Variants in SLC25A13 observed in about 807,000 individuals in gnomAD.
SLC25A13 encodes the protein electrogenic aspartate/glutamate antiporter SLC25A13, mitochondrial.
Under a neutral mutation model 85.5 loss-of-function variants are expected in SLC25A13, and 70 were observed. That is an observed-to-expected ratio of 0.82 (90% CI 0.68 to 1.00). The LOEUF (loss-of-function observed/expected upper bound fraction) is 1.00, where lower values mean the gene tolerates loss of function less well. Among genes scored for constraint, SLC25A13 ranks in the 50% least tolerant of loss-of-function variants. The pLI, the probability that SLC25A13 is intolerant of heterozygous loss-of-function variation, is 0.00. For missense variants in SLC25A13, 765 were observed against 819.8 expected (o/e 0.93, Z 0.82); for synonymous variants, 259 against 288.7 (o/e 0.90, Z 1.04).
intron 14 of SLC25A13, among the ~76,000 whole-genome samples, chr7:96,140,387 C>G (rs192229418): frequency 4.1e-4 from 61 of 149,724 alleles, no homozygotes; most frequent in African/African-American, 1.4e-3. Context: ...TTTCTACCAC[C>G]AAGGATCTCC....
chr7:96,232,266 A>T (rs1796566560), intron 4 of SLC25A13, among the ~76,000 whole-genome samples: 1 of 152,170 alleles, frequency 6.6e-6, no homozygotes. Flanking sequence ...AAAAAAAACA[A>T]CGAGATCATG....
chr7:96,267,696 C>G (rs957424435), intron 3 of SLC25A13, among the ~76,000 whole-genome samples: 1 of 151,526 alleles, frequency 6.6e-6, no homozygotes, highest in Non-Finnish European at 1.5e-5. Context: ...TGCCTATAAT[C>G]GCAGCTACTG....
rs531320757 is a variant in SLC25A13 at position 96,229,679 on chromosome 7, G to C, written c.328+5123C>G. ...CGGGAGGTATGAACAACTCTGGACG[G>C]GAGGAATGAACAACTCCAGAAGCGC... On this transcript the variant is annotated intron_variant, in intron 4 of 17. Transcript: ENST00000265631. 7.2e-5 allele frequency among the ~76,000 whole-genome samples: 11 copies of C among 151,798 alleles called. No individual in the cohort carries two copies. In the South Asian group the frequency reaches 2.1e-3, roughly 29 times the overall value.
chr7:96,201,352 A>G (rs1795246911), intron 5 of SLC25A13, among the ~76,000 whole-genome samples: 1 of 151,906 alleles, frequency 6.6e-6, no homozygotes, highest in African/African-American at 2.4e-5. Flanking sequence ...TCTACTAAAA[A>G]TACAAAAAAT....
intron 1 of SLC25A13, among the ~76,000 whole-genome samples, chr7:96,304,154 T>C (rs1410214097): frequency 2.0e-5 from 3 of 152,156 alleles, no homozygotes; most frequent in African/African-American, 7.2e-5. Flanking sequence ...ACCTAATAAA[T>C]GAAGAGCAGT....
intron 4 of SLC25A13, among the ~76,000 whole-genome samples, chr7:96,218,900 T>C (rs1795996885): frequency 6.6e-6 from 1 of 152,214 alleles, no homozygotes; most frequent in African/African-American, 2.4e-5. Flanking sequence ...AGGGAAGTAA[T>C]ATTCCACCCT....
chr7:96,130,639 T>A (rs1170924632), intron 15 of SLC25A13, among the ~76,000 whole-genome samples: 2 of 152,194 alleles, frequency 1.3e-5, no homozygotes, highest in Non-Finnish European at 2.9e-5. Flanking sequence ...TACAGATATA[T>A]GAGAAATTAC....
At chr7:96,154,054 ATAT>A (rs1793154053) in intron 13 of SLC25A13, among the ~76,000 whole-genome samples, 1 of 152,216 alleles carries the variant, frequency 6.6e-6, no homozygotes, top group African/African-American at 2.4e-5. Flanking sequence ...TAACAGTCAA[ATAT>A]TATAACTTTT....
At chr7:96,205,188 G>A (rs1388912920) in intron 5 of SLC25A13, among the ~76,000 whole-genome samples, 2 of 152,122 alleles carry the variant, frequency 1.3e-5, no homozygotes, top group East Asian at 1.9e-4. Context: ...GATTACAGGC[G>A]TGAGCCACCA....
chr7:96,193,273 AAGAG>A, intron 5 of SLC25A13, 90 bp from the exon 6 acceptor site: 2 of 1,486,594 alleles, frequency 1.3e-6, no homozygotes, highest in Non-Finnish European at 9.2e-7. Flanking sequence ...AGACTGAAGA[AAGAG>A]AGTTTACATC....
intron 3 of SLC25A13, among the ~76,000 whole-genome samples, chr7:96,241,279 C>T (rs535947850): frequency 1.1e-4 from 17 of 152,270 alleles, no homozygotes; most frequent in South Asian, 6.2e-4. Flanking sequence ...TACTCCTCAG[C>T]CACCACAATT....
intron 5 of SLC25A13, among the ~76,000 whole-genome samples, chr7:96,196,639 T>C (rs1795074891): frequency 6.6e-6 from 1 of 152,224 alleles, no homozygotes; most frequent in Non-Finnish European, 1.5e-5. Context: ...TTAAGTCTGA[T>C]GATGAACAAC....
At chr7:96,272,596 A>T (rs1798286338) in intron 3 of SLC25A13, among the ~76,000 whole-genome samples, 1 of 152,222 alleles carries the variant, frequency 6.6e-6, no homozygotes, top group Admixed American at 6.5e-5. Context: ...TAATTTGCCA[A>T]AAGCAAGGAG....
At chr7:96,129,107 T>G (rs556287902) in intron 15 of SLC25A13, among the ~76,000 whole-genome samples, 2 of 152,110 alleles carry the variant, frequency 1.3e-5, no homozygotes, top group African/African-American at 2.4e-5. Context: ...ATCTTGAAAG[T>G]GGCTTCTCCA....
rs532332787 is a variant in SLC25A13, at chr7:96,254,785, A to C, written c.213-19868T>G. On this transcript the variant is annotated intron_variant, in intron 3 of 17. Coordinates refer to ENST00000265631, the MANE Select transcript of SLC25A13 (RefSeq NM_014251.3). Reference sequence around the variant, plus strand: ...TAAATTTACTTATATTTGGGGAAAAAATACCCTGTGGGAGGAGAAACCAAA... The same window carrying C: ...TAAATTTACTTATATTTGGGGAAAACATACCCTGTGGGAGGAGAAACCAAA... Among the ~76,000 whole-genome samples, 98 of 152,264 alleles carry C rather than the reference A, an allele frequency of 6.4e-4. No homozygotes were observed. In the South Asian group the frequency reaches 0.019, roughly 30 times the overall value.
At chr7:96,211,822 T>A (rs1404396478) in intron 4 of SLC25A13, among the ~76,000 whole-genome samples, 1 of 152,144 alleles carries the variant, frequency 6.6e-6, no homozygotes, top group Admixed American at 6.5e-5. Flanking sequence ...AAATCATCAG[T>A]CAACATCGTT....
At chr7:96,204,822 A>G (rs770203621) in intron 5 of SLC25A13, among the ~76,000 whole-genome samples, 4 of 152,232 alleles carry the variant, frequency 2.6e-5, no homozygotes, top group South Asian at 2.1e-4. Context: ...CGACATGCTC[A>G]GCAAATATTT....
chr7:96,164,711 T>TACACACACACACATAC (rs1793669742), intron 13 of SLC25A13, among the ~76,000 whole-genome samples: 1 of 143,150 alleles, frequency 7.0e-6, no homozygotes, highest in South Asian at 2.3e-4. Context: ...GGATTAACTT[T>TACACACACACACATAC]ACACACACAC....
intron 1 of SLC25A13, among the ~76,000 whole-genome samples, chr7:96,317,316 C>T (rs1800167635): frequency 2.0e-5 from 3 of 151,960 alleles, no homozygotes; most frequent in Admixed American, 1.3e-4. Context: ...TATCTCAGAG[C>T]CTTCATCTAT....
Sources: gnomAD v4.1 joint callset for allele counts (sites outside exome capture counted in the v4.1 genomes callset) on GRCh38, gnomAD v4.1.1 for gene constraint, MANE v1.5 for transcripts, NCBI Gene and HGNC (gene_info 2026-07-23, HGNC 2026-07-21) for gene names.